Variants in LAMA2 observed in about 807,000 individuals in gnomAD.
LAMA2 encodes the protein laminin subunit alpha-2.
LAMA2 carries 269 observed loss-of-function variants against 364.8 expected under a neutral mutation model. That is an observed-to-expected ratio of 0.74 (90% CI 0.67 to 0.82). LAMA2 has a LOEUF of 0.82. Among genes scored for constraint, LAMA2 ranks in the 40% least tolerant of loss-of-function variants. The pLI is 0.00. For synonymous variants in LAMA2, 1,379 were observed against 1,370.6 expected, an observed-to-expected ratio of 1.01 and a Z score of -0.14; for missense variants, 3,807 against 3,873.2, an observed-to-expected ratio of 0.98 and a Z score of 0.45.
chr6:129,250,264 G>A lies in LAMA2; in HGVS notation c.1884+51G>A, dbSNP rs932534922. 3 of 1,112,470 alleles carry A rather than the reference G, an allele frequency of 2.7e-6. No homozygotes were observed. In the African/African-American group the frequency reaches 4.7e-5, roughly 17 times the overall value. 68.9% of individuals were successfully genotyped at this position (1,112,470 alleles called of 1,614,324 possible). A position where few individuals can be genotyped will look rare whatever the true frequency, so the allele number is the denominator to read the frequency against. ...CGTGTTACTTCCTGATGTTACTTAA[G>A]GTTACCAGTACTGTATTTTTTACCT... On this transcript the variant is annotated intron_variant, in intron 13 of 64. Coordinates refer to ENST00000421865, the MANE Select transcript of LAMA2 (RefSeq NM_000426.4).
At position 128,901,865 on chromosome 6, in the gene LAMA2, G is replaced by A. The variant is rs151300179; in HGVS notation, c.112+18508G>A. On this transcript the variant is annotated intron_variant, in intron 1 of 64. Coordinates refer to ENST00000421865, the MANE Select transcript of LAMA2 (RefSeq NM_000426.4). The stretch of plus-strand genomic sequence containing the variant: ...ATAATGTCTTTTCAATCACTTTACT[G>A]TTTCTTGATTCATGAAGAATACATG... Among the ~76,000 whole-genome samples the A allele has an allele frequency of 3.7e-3, 567 of 152,236 alleles. 3 individuals are homozygous for A. The highest frequency in any genetic ancestry group is 0.013 in the African/African-American group (535 of 41,540).
intron 28 of LAMA2, among the ~76,000 whole-genome samples, chr6:129,322,208 TAATC>T (rs914080841): frequency 3.9e-5 from 6 of 152,238 alleles, no homozygotes; most frequent in African/African-American, 1.2e-4. Flanking sequence ...AGCTAATAAA[TAATC>T]AAGTAATCCA....
intron 8 of LAMA2, among the ~76,000 whole-genome samples, chr6:129,162,067 A>G (rs994316762): frequency 2.0e-5 from 3 of 152,088 alleles, no homozygotes; most frequent in African/African-American, 7.2e-5. Context: ...GTTTTTTGAG[A>G]AATCTCCCAA....
At chr6:128,893,581 C>A (rs1180914785) in intron 1 of LAMA2, among the ~76,000 whole-genome samples, 2 of 151,866 alleles carry the variant, frequency 1.3e-5, no homozygotes, top group African/African-American at 2.4e-5. Context: ...TGAAAGTGTA[C>A]ATCAGCTTCC....
At chr6:129,138,146 A>G (rs769767358) in intron 4 of LAMA2, among the ~76,000 whole-genome samples, 1 of 152,098 alleles carries the variant, frequency 6.6e-6, no homozygotes, top group Admixed American at 6.6e-5. Context: ...CATCTAGTAG[A>G]TATCCAATAC....
At chr6:128,909,333 G>A (rs1407214477) in intron 1 of LAMA2, among the ~76,000 whole-genome samples, 23 of 152,022 alleles carry the variant, frequency 1.5e-4, no homozygotes, top group Non-Finnish European at 2.5e-4. Flanking sequence ...TGTTGGGTGC[G>A]TATATATTTA....
intron 1 of LAMA2, among the ~76,000 whole-genome samples, chr6:128,892,281 A>G (rs1776499048): frequency 6.6e-6 from 1 of 152,016 alleles, no homozygotes; most frequent in Non-Finnish European, 1.5e-5. Flanking sequence ...GATAAGAAGA[A>G]ACACAAGTTC....
At chr6:129,151,680 G>C (rs1006291780) in intron 7 of LAMA2, among the ~76,000 whole-genome samples, 1 of 152,140 alleles carries the variant, frequency 6.6e-6, no homozygotes, top group African/African-American at 2.4e-5. Flanking sequence ...ACATGGTACA[G>C]GAGAGAGAGG....
chr6:128,943,800 A>G (rs557162190), intron 1 of LAMA2, among the ~76,000 whole-genome samples: 101 of 152,328 alleles, frequency 6.6e-4, no homozygotes, highest in African/African-American at 2.2e-3. Context: ...TGAGAATACC[A>G]TAGTAGGTCC....
At chr6:128,906,338 G>C (rs1242803852) in intron 1 of LAMA2, among the ~76,000 whole-genome samples, 1 of 132,050 alleles carries the variant, frequency 7.6e-6, no homozygotes, top group Admixed American at 7.8e-5. Context: ...TAACTGGTGT[G>C]AGATGGTATC....
intron 1 of LAMA2, among the ~76,000 whole-genome samples, chr6:128,897,873 T>C (rs923087360): frequency 2.0e-5 from 3 of 152,154 alleles, no homozygotes; most frequent in African/African-American, 7.2e-5. Context: ...TATGACTGCA[T>C]CAGAAGTCCA....
At chr6:129,502,232 T>C (rs1042908162) in intron 58 of LAMA2, among the ~76,000 whole-genome samples, 6 of 152,226 alleles carry the variant, frequency 3.9e-5, no homozygotes, top group South Asian at 2.1e-4. Context: ...TAGTGGGAGA[T>C]GGAAATGGGG....
intron 14 of LAMA2, among the ~76,000 whole-genome samples, chr6:129,256,766 ATATATATATAT>A (rs1786712278): frequency 1.1e-5 from 1 of 92,256 alleles, no homozygotes; most frequent in Non-Finnish European, 2.4e-5. Context: ...TATATAGCAT[ATATATATATAT>A]ATATATATAT....
chr6:129,173,852 T>C (rs75249978), intron 9 of LAMA2, among the ~76,000 whole-genome samples: 5,591 of 152,242 alleles, frequency 0.037, 216 homozygotes, highest in East Asian at 0.15. Flanking sequence ...AAATACGATG[T>C]ATTTCTTCTC....
At chr6:128,945,748 G>A (rs963600349) in intron 1 of LAMA2, among the ~76,000 whole-genome samples, 1 of 152,102 alleles carries the variant, frequency 6.6e-6, no homozygotes, top group Non-Finnish European at 1.5e-5. Flanking sequence ...CACAACCTCT[G>A]GGGTACACAT....
chr6:129,132,583 T>A (rs1481474168), intron 4 of LAMA2, among the ~76,000 whole-genome samples: 1 of 152,224 alleles, frequency 6.6e-6, no homozygotes, highest in Admixed American at 6.5e-5. Flanking sequence ...GACCTTAGCA[T>A]TTCCAGAAGC....
At chr6:128,891,473 G>A (rs1220052010) in intron 1 of LAMA2, among the ~76,000 whole-genome samples, 1 of 152,046 alleles carries the variant, frequency 6.6e-6, no homozygotes, top group Non-Finnish European at 1.5e-5. Context: ...GTTTGAAAGA[G>A]AATATGAAGC....
intron 1 of LAMA2, among the ~76,000 whole-genome samples, chr6:128,951,221 G>C (rs1470212787): frequency 6.6e-6 from 1 of 152,006 alleles, no homozygotes; most frequent in East Asian, 1.9e-4. Flanking sequence ...CCTTGTACAA[G>C]TGACTTTAAC....
intron 3 of LAMA2, among the ~76,000 whole-genome samples, chr6:129,065,587 T>C (rs1789241704): frequency 6.6e-6 from 1 of 152,036 alleles, no homozygotes; most frequent in South Asian, 2.1e-4. Flanking sequence ...TATACTAAAA[T>C]TAGCAACATT....
Sources: allele counts gnomAD v4.1 joint callset (sites outside exome capture counted in the v4.1 genomes callset), GRCh38; gene constraint gnomAD v4.1.1; transcripts MANE v1.5; gene names NCBI Gene and HGNC (gene_info 2026-07-23, HGNC 2026-07-21).